HS2ST1: variants seen among roughly 807,000 people sequenced by gnomAD.
HS2ST1 encodes heparan sulfate 2-O-sulfotransferase 1.
In HS2ST1, 18 loss-of-function variants were observed where a neutral mutation model predicts 42.9. That is an observed-to-expected ratio of 0.42 (90% CI 0.29 to 0.62). HS2ST1 has a LOEUF of 0.62. Among genes scored for constraint, HS2ST1 ranks in the 20% least tolerant of loss-of-function variants. HS2ST1 has a pLI of 0.21. For missense variants in HS2ST1, 334 were observed against 433.8 expected (o/e 0.77, Z 2.04); for synonymous variants, 146 against 152.9 (o/e 0.95, Z 0.33).
intron 1 of HS2ST1, among the ~76,000 whole-genome samples, chr1:86,931,476 A>G (rs1660538702): frequency 6.6e-6 from 1 of 152,090 alleles, no homozygotes; most frequent in South Asian, 2.1e-4. Context: ...ATTTGGAGTG[A>G]TAGCATTTTT....
chr1:87,080,375 C>G (rs1651654483), intron 2 of HS2ST1, among the ~76,000 whole-genome samples: 1 of 152,118 alleles, frequency 6.6e-6, no homozygotes, highest in Admixed American at 6.5e-5. Context: ...GTTATATCAA[C>G]AGAGCTTTGA....
chr1:87,023,568 A>G (rs1444851313), intron 1 of HS2ST1, among the ~76,000 whole-genome samples: 1 of 152,166 alleles, frequency 6.6e-6, no homozygotes, highest in Non-Finnish European at 1.5e-5. Flanking sequence ...ATTAACACTG[A>G]GGCATATGCT....
At chr1:87,095,801 A>G (rs937565384) in intron 4 of HS2ST1, among the ~76,000 whole-genome samples, 3 of 152,114 alleles carry the variant, frequency 2.0e-5, no homozygotes, top group African/African-American at 7.2e-5. Flanking sequence ...CATTTACTGA[A>G]AAAATTTTAA....
intron 1 of HS2ST1, among the ~76,000 whole-genome samples, chr1:87,054,018 T>G (rs1650897367): frequency 6.6e-6 from 1 of 152,158 alleles, no homozygotes; most frequent in African/African-American, 2.4e-5. Flanking sequence ...GTTCAGAACT[T>G]TCTCCTGAGA....
intron 4 of HS2ST1, among the ~76,000 whole-genome samples, chr1:87,095,417 T>C (rs540285633): frequency 9.9e-5 from 15 of 152,202 alleles, no homozygotes; most frequent in Admixed American, 9.2e-4. Context: ...CGTACTCTAG[T>C]AATCTGAACT....
chr1:87,010,664 T>C (rs1259343558), intron 1 of HS2ST1, among the ~76,000 whole-genome samples: 2 of 152,224 alleles, frequency 1.3e-5, no homozygotes, highest in Admixed American at 6.5e-5. Context: ...GGCTATAAAT[T>C]TGAAATATTT....
At chr1:86,918,735 A>G (rs1239360219) in intron 1 of HS2ST1, among the ~76,000 whole-genome samples, 1 of 151,994 alleles carries the variant, frequency 6.6e-6, no homozygotes, top group African/African-American at 2.4e-5. Flanking sequence ...GCACACATTC[A>G]TTAGCACTAG....
At chr1:87,038,751 T>A (rs1263348676) in intron 1 of HS2ST1, among the ~76,000 whole-genome samples, 4 of 152,092 alleles carry the variant, frequency 2.6e-5, no homozygotes, top group Non-Finnish European at 5.9e-5. Flanking sequence ...CGTGAAGTGA[T>A]CTCTGAACCA....
chr1:86,985,769 A>G (rs1192715288), intron 1 of HS2ST1, among the ~76,000 whole-genome samples: 1 of 151,870 alleles, frequency 6.6e-6, no homozygotes, highest in Non-Finnish European at 1.5e-5. Context: ...AAAGGCCAAA[A>G]CTTCTAAACC....
intron 1 of HS2ST1, among the ~76,000 whole-genome samples, chr1:86,951,020 G>A (rs1368861888): frequency 6.6e-6 from 1 of 152,144 alleles, no homozygotes; most frequent in Non-Finnish European, 1.5e-5. Context: ...GGATTAGTAG[G>A]AAAGCAGGCA....
intron 1 of HS2ST1, among the ~76,000 whole-genome samples, chr1:86,918,196 C>G (rs2102149943): frequency 6.6e-6 from 1 of 151,908 alleles, no homozygotes; most frequent in South Asian, 2.1e-4. Flanking sequence ...TTGGGAAATT[C>G]ACTAATTAGG....
intron 1 of HS2ST1, among the ~76,000 whole-genome samples, chr1:87,003,042 G>A (rs568709325): frequency 1.5e-4 from 23 of 152,238 alleles, no homozygotes; most frequent in Non-Finnish European, 2.8e-4. Context: ...AGGGGTGCGT[G>A]TGGCCCACGC....
At chr1:86,994,055 C>G (rs1436583677) in intron 1 of HS2ST1, among the ~76,000 whole-genome samples, 2 of 152,106 alleles carry the variant, frequency 1.3e-5, no homozygotes, top group African/African-American at 4.8e-5. Flanking sequence ...CCTCCAGATA[C>G]TTAACAGTTT....
intron 1 of HS2ST1, among the ~76,000 whole-genome samples, chr1:87,005,423 GTAAA>G (rs1425343700): frequency 2.0e-5 from 3 of 151,934 alleles, no homozygotes; most frequent in Admixed American, 6.5e-5. Context: ...AAATTATAAA[GTAAA>G]TAAAGGTATA....
chr1:86,969,592 A>G (rs898048497), intron 1 of HS2ST1, among the ~76,000 whole-genome samples: 2 of 152,196 alleles, frequency 1.3e-5, no homozygotes, highest in Non-Finnish European at 2.9e-5. Flanking sequence ...TTATGATCAT[A>G]TGAAGTAGAA....
At chr1:87,029,477 T>C (rs1414994261) in intron 1 of HS2ST1, among the ~76,000 whole-genome samples, 1 of 152,174 alleles carries the variant, frequency 6.6e-6, no homozygotes, top group African/African-American at 2.4e-5. Context: ...AAGTTAATTA[T>C]GGTAAAATGT....
intron 1 of HS2ST1, among the ~76,000 whole-genome samples, chr1:86,933,659 C>T (rs903105775): frequency 2.0e-5 from 3 of 151,694 alleles, no homozygotes; most frequent in Non-Finnish European, 2.9e-5. Flanking sequence ...TTTTGATGCC[C>T]GCGTTGTCTT....
chr1:86,983,025 T>C (rs979809646), intron 1 of HS2ST1, among the ~76,000 whole-genome samples: 2 of 152,208 alleles, frequency 1.3e-5, no homozygotes, highest in Non-Finnish European at 2.9e-5. Flanking sequence ...GACCCCATTG[T>C]CCATATCACA....
chr1:87,097,283 AC>A (rs1054605888), intron 4 of HS2ST1, among the ~76,000 whole-genome samples: 18 of 152,384 alleles, frequency 1.2e-4, no homozygotes, highest in African/African-American at 4.1e-4. Context: ...AGCATATGAA[AC>A]AAGTTATGTA....
Sources: gnomAD v4.1 joint callset for allele counts (sites outside exome capture counted in the v4.1 genomes callset) on GRCh38, gnomAD v4.1.1 for gene constraint, MANE v1.5 for transcripts, NCBI Gene and HGNC (gene_info 2026-07-23, HGNC 2026-07-21) for gene names.